Variants in KCNH8 observed in about 807,000 individuals in gnomAD.
KCNH8 encodes the protein voltage-gated delayed rectifier potassium channel KCNH8.
In KCNH8, 70 loss-of-function variants were observed where a neutral mutation model predicts 103.6. The observed-to-expected ratio is 0.68, with a 90% CI of 0.56 to 0.82. The LOEUF (loss-of-function observed/expected upper bound fraction) is 0.82, where lower values mean the gene tolerates loss of function less well. KCNH8 is among the 40% of genes least tolerant of loss of function. The pLI is 0.00. For missense variants in KCNH8, 1,217 were observed against 1,329.9 expected (o/e 0.92, Z 1.32); for synonymous variants, 498 against 489.4 (o/e 1.02, Z -0.23).
intron 11 of KCNH8, among the ~76,000 whole-genome samples, chr3:19,475,699 A>G (rs574610625): frequency 6.6e-6 from 1 of 152,316 alleles, no homozygotes; most frequent in Admixed American, 6.5e-5. Flanking sequence ...ACAAGGAAAC[A>G]TTCTTGAGAA....
At chr3:19,532,349 G>T (rs79599535) in intron 15 of KCNH8, among the ~76,000 whole-genome samples, 60 of 152,298 alleles carry the variant, frequency 3.9e-4, no homozygotes, top group African/African-American at 1.4e-3. Flanking sequence ...AAGCCCTGCA[G>T]TGCTTATCTC....
intron 11 of KCNH8, among the ~76,000 whole-genome samples, chr3:19,500,561 C>A (rs980803405): frequency 2.6e-5 from 4 of 152,122 alleles, no homozygotes; most frequent in Non-Finnish European, 5.9e-5. Context: ...TGTAAAAGAA[C>A]AGAAATTATA....
intron 1 of KCNH8, among the ~76,000 whole-genome samples, chr3:19,221,546 C>G (rs2063874306): frequency 6.6e-6 from 1 of 151,918 alleles, no homozygotes; most frequent in African/African-American, 2.4e-5. Context: ...GAATGTTCAT[C>G]TTCACTCCTA....
At chr3:19,498,701 C>A (rs918399617) in intron 11 of KCNH8, among the ~76,000 whole-genome samples, 1 of 152,142 alleles carries the variant, frequency 6.6e-6, no homozygotes, top group East Asian at 1.9e-4. Context: ...TTTTCCCCAT[C>A]TTTGTGGTTT....
chr3:19,184,668 G>T (rs1376380304), intron 1 of KCNH8, among the ~76,000 whole-genome samples: 1 of 151,846 alleles, frequency 6.6e-6, no homozygotes, highest in Non-Finnish European at 1.5e-5. Flanking sequence ...CTCTCTAAAA[G>T]GTAAAGGTAG....
chr3:19,423,934 G>A (rs1157055434), intron 7 of KCNH8, among the ~76,000 whole-genome samples: 3 of 151,886 alleles, frequency 2.0e-5, no homozygotes. Context: ...TGACATTTGT[G>A]CCAGCATCTA....
intron 1 of KCNH8, among the ~76,000 whole-genome samples, chr3:19,226,584 T>TTCTCTCTCTCTCTCTC (rs113627715): frequency 4.2e-4 from 62 of 148,134 alleles, no homozygotes; most frequent in African/African-American, 1.5e-3. Flanking sequence ...CTTTCAGTCT[T>TTCTCTCTCTCTCTCTC]TCTCTCTCTC....
At chr3:19,181,641 C>T (rs1265870392) in intron 1 of KCNH8, among the ~76,000 whole-genome samples, 1 of 151,972 alleles carries the variant, frequency 6.6e-6, no homozygotes, top group East Asian at 1.9e-4. Flanking sequence ...CCAAAATTGA[C>T]TCAAAAAATA....
intron 5 of KCNH8, among the ~76,000 whole-genome samples, chr3:19,372,480 T>C (rs554103955): frequency 6.6e-6 from 1 of 151,822 alleles, no homozygotes; most frequent in African/African-American, 2.4e-5. Context: ...GAGACTTTGC[T>C]GAAGTTGCTT....
intron 5 of KCNH8, among the ~76,000 whole-genome samples, chr3:19,358,135 C>T (rs1282886352): frequency 6.6e-6 from 1 of 151,702 alleles, no homozygotes; most frequent in Admixed American, 6.6e-5. Context: ...GAAAAAAATA[C>T]TGGCCGGCCT....
chr3:19,204,168 A>G (rs941231664), intron 1 of KCNH8, among the ~76,000 whole-genome samples: 16 of 152,102 alleles, frequency 1.1e-4, no homozygotes, highest in African/African-American at 3.9e-4. Flanking sequence ...CATAATGGCT[A>G]GGACCAGGAA....
chr3:19,383,380 A>T (rs866981637), intron 5 of KCNH8, among the ~76,000 whole-genome samples: 1 of 146,896 alleles, frequency 6.8e-6, no homozygotes, highest in Non-Finnish European at 1.5e-5. Flanking sequence ...GTGTTCGTTA[A>T]TTTTTTTTTT....
chr3:19,448,397 C>G (rs964973194), intron 8 of KCNH8, among the ~76,000 whole-genome samples: 2 of 151,960 alleles, frequency 1.3e-5, no homozygotes, highest in African/African-American at 4.8e-5. Flanking sequence ...TAACCCTATT[C>G]TAGTAGCTTT....
chr3:19,227,382 CTT>C (rs148866772), intron 1 of KCNH8, among the ~76,000 whole-genome samples: 8 of 152,322 alleles, frequency 5.3e-5, no homozygotes, highest in Non-Finnish European at 1.0e-4. Flanking sequence ...ATACATGACA[CTT>C]TTCTCTATTG....
At chr3:19,211,420 G>A (rs1019977375) in intron 1 of KCNH8, among the ~76,000 whole-genome samples, 1 of 152,062 alleles carries the variant, frequency 6.6e-6, no homozygotes, top group African/African-American at 2.4e-5. Context: ...TGAAGGATTG[G>A]GATAAACTAA....
intron 11 of KCNH8, among the ~76,000 whole-genome samples, chr3:19,485,789 G>A (rs556318331): frequency 3.3e-5 from 5 of 152,268 alleles, no homozygotes; most frequent in Non-Finnish European, 4.4e-5. Flanking sequence ...GTGGAGGCTC[G>A]CTGGTGTCCC....
intron 11 of KCNH8, 148 bp from the exon 12 acceptor site, chr3:19,510,215 C>G: frequency 1.6e-6 from 1 of 629,246 alleles, no homozygotes; most frequent in Non-Finnish European, 2.9e-6. Flanking sequence ...TCTTCTCTGG[C>G]CTGCACAGGT....
intron 5 of KCNH8, among the ~76,000 whole-genome samples, chr3:19,376,263 T>C (rs1226656579): frequency 1.3e-5 from 2 of 152,172 alleles, no homozygotes; most frequent in Non-Finnish European, 2.9e-5. Context: ...TCTGTGGGCG[T>C]AGGACCCTCT....
intron 1 of KCNH8, among the ~76,000 whole-genome samples, chr3:19,191,373 G>A (rs1018512615): frequency 4.6e-5 from 7 of 151,760 alleles, no homozygotes; most frequent in African/African-American, 1.7e-4. Flanking sequence ...TGAACAAAAA[G>A]TGATGTCATG....
Sources: gnomAD v4.1 joint callset for allele counts (sites outside exome capture counted in the v4.1 genomes callset) on GRCh38, gnomAD v4.1.1 for gene constraint, MANE v1.5 for transcripts, NCBI Gene and HGNC (gene_info 2026-07-23, HGNC 2026-07-21) for gene names.